The following RHOBTB1 variants were observed in gnomAD, a reference collection of about 807,000 sequenced individuals.
The protein encoded by RHOBTB1 is Rho related BTB domain containing 1.
Under a neutral mutation model 71.6 loss-of-function variants are expected in RHOBTB1, and 40 were observed. The observed-to-expected ratio is 0.56, with a 90% confidence interval of 0.43 to 0.73. The LOEUF (loss-of-function observed/expected upper bound fraction) is 0.73, where lower values mean the gene tolerates loss of function less well. Among genes scored for constraint, RHOBTB1 ranks in the 30% least tolerant of loss-of-function variants. RHOBTB1 has a pLI of 0.00. For missense variants in RHOBTB1, 797 were observed against 894.0 expected, an observed-to-expected ratio of 0.89 and a Z score of 1.38; for synonymous variants, 319 against 334.9, an observed-to-expected ratio of 0.95 and a Z score of 0.52.
At chr10:60,864,378 T>C in the RHOBTB1 span, among the ~76,000 whole-genome samples, 119 of 152,272 alleles carry the variant, frequency 7.8e-4, no homozygotes, top group African/African-American at 2.7e-3. Flanking sequence ...TGGACTCTGG[T>C]AGAGTGGTGC....
intron 2 of RHOBTB1, among the ~76,000 whole-genome samples, chr10:60,976,986 A>C (rs1044765469): frequency 2.0e-5 from 3 of 152,034 alleles, no homozygotes; most frequent in African/African-American, 7.2e-5. Context: ...CCTTGCAATA[A>C]ATTTTTTAAA....
At chr10:60,924,767 T>C in intron 2 of RHOBTB1, among the ~76,000 whole-genome samples, 1 of 152,248 alleles carries the variant, frequency 6.6e-6, no homozygotes, top group Middle Eastern at 3.4e-3. Flanking sequence ...GTCTCAAAAA[T>C]TTTTAAAAAA....
At chr10:61,001,738 G>C (rs945698076), upstream of RHOBTB1, among the ~76,000 whole-genome samples, 4 of 152,192 alleles carry the variant, frequency 2.6e-5, no homozygotes, top group Non-Finnish European at 5.9e-5. Flanking sequence ...GTCACCCGCT[G>C]GCGCGTGGGG....
chr10:60,998,404 C>T (rs1412013931), intron 1 of RHOBTB1, among the ~76,000 whole-genome samples: 1 of 152,152 alleles, frequency 6.6e-6, no homozygotes, highest in Non-Finnish European at 1.5e-5. Context: ...GCCTATGCAG[C>T]CTACATTCTG....
rs73263841 is a variant in RHOBTB1, at chr10:60,916,854, C to T, written c.-10-5302G>A. Among the ~76,000 whole-genome samples the T allele has an allele frequency of 6.0e-3, 915 of 152,270 alleles. 10 individuals carry two copies. The highest frequency in any genetic ancestry group is 0.021 in the African/African-American group (884 of 41,550). On this transcript the variant is annotated intron_variant, in intron 2 of 10. Coordinates refer to ENST00000337910, the MANE Select transcript of RHOBTB1 (RefSeq NM_014836.5). ...TCCTGGACTATCTATGTGGGTGCAA[C>T]GCAATCACGATGGTCCTTTAAATGC...
chr10:60,986,404 G>GATATATATATATATAT (rs34154360), intron 1 of RHOBTB1, among the ~76,000 whole-genome samples: 46 of 67,626 alleles, frequency 6.8e-4, no homozygotes, highest in African/African-American at 1.7e-3. Context: ...ATAAATAAAA[G>GATATATATATATATAT]ATATATATAT....
At chr10:60,867,006 T>C (rs1318011665), downstream of RHOBTB1, among the ~76,000 whole-genome samples, 1 of 152,142 alleles carries the variant, frequency 6.6e-6, no homozygotes, top group Non-Finnish European at 1.5e-5. Context: ...AGCACACAGG[T>C]TCCATTTCAT....
At chr10:60,972,348 A>T (rs2086186027) in intron 2 of RHOBTB1, among the ~76,000 whole-genome samples, 1 of 152,194 alleles carries the variant, frequency 6.6e-6, no homozygotes, top group African/African-American at 2.4e-5. Context: ...ATGGAATACT[A>T]TGCAGCCATA....
At position 60,910,940 on chromosome 10, in the gene RHOBTB1, C is replaced by T; in HGVS notation, c.243G>A (p.Arg81=). ...GATGATCACCAAAAGTATCCCAAAG[C>T]CTGAGAGAAACACTCACTTCATCAA... ...DVVDEVSVSL[R]LWDTFGDHHK... is the part of the protein sequence containing the mutation. Residue 81 remains arginine, a synonymous_variant, in exon 4 of 11, where the codon AGG becomes AGA. Transcript: ENST00000337910. 1 of 1,614,120 alleles carries T rather than the reference C, an allele frequency of 6.2e-7. No individual in the cohort carries two copies. Among genetic ancestry groups the T allele is most frequent in the East Asian group, 2.2e-5 (1 of 44,874 alleles).
intron 2 of RHOBTB1, among the ~76,000 whole-genome samples, chr10:60,975,469 C>T (rs181303638): frequency 3.0e-4 from 45 of 152,180 alleles, no homozygotes; most frequent in African/African-American, 1.1e-3. Context: ...CATGTTTACT[C>T]ATAAGAGTTT....
chr10:60,918,469 T>C (rs767388009), intron 2 of RHOBTB1, among the ~76,000 whole-genome samples: 18 of 152,160 alleles, frequency 1.2e-4, no homozygotes, highest in Non-Finnish European at 2.2e-4. Context: ...TCTGCCCCCA[T>C]AACTCAATAA....
intron 2 of RHOBTB1, among the ~76,000 whole-genome samples, chr10:60,932,465 G>A (rs1055130448): frequency 1.0e-4 from 14 of 140,676 alleles, no homozygotes; most frequent in Admixed American, 5.5e-4. Context: ...GTACATTTGC[G>A]ATCTGCATAC....
At chr10:60,892,714 G>C in intron 5 of RHOBTB1, 96 bp downstream of exon 5, 3 of 1,040,568 alleles carry the variant, frequency 2.9e-6, no homozygotes, top group Non-Finnish European at 4.2e-6. Context: ...TGGGATCCAG[G>C]AGTGTTGAAG....
intron 4 of RHOBTB1, among the ~76,000 whole-genome samples, chr10:60,907,514 A>C (rs2082738255): frequency 6.6e-6 from 1 of 152,162 alleles, no homozygotes; most frequent in African/African-American, 2.4e-5. Context: ...TAGGTGGTGG[A>C]AAAAAGGCCA....
At chr10:60,887,356 A>G (rs1224598239) in intron 6 of RHOBTB1, among the ~76,000 whole-genome samples, 1 of 152,242 alleles carries the variant, frequency 6.6e-6, no homozygotes, top group Admixed American at 6.5e-5. Context: ...TATAAAAGAT[A>G]AAGACAAAGG....
At chr10:60,937,581 C>A (rs1282982266) in intron 2 of RHOBTB1, among the ~76,000 whole-genome samples, 1 of 152,148 alleles carries the variant, frequency 6.6e-6, no homozygotes, top group Non-Finnish European at 1.5e-5. Flanking sequence ...CACAAATCTG[C>A]AAGAGAAGCT....
rs2081711753 is a variant in RHOBTB1, at chr10:60,888,441, G to A, written c.1227C>T (p.Gly409=). The change falls in exon 6 of 11, where the codon GGC becomes GGT. Residue 409 remains glycine, a synonymous_variant. Coordinates refer to ENST00000337910, the MANE Select transcript of RHOBTB1 (RefSeq NM_014836.5). ...VVRMDASVQP[G]PFRTLLQFLY... is the part of the protein sequence containing the mutation. The stretch of plus-strand genomic sequence containing the variant: ...GAAACTGGAGCAGGGTCCGAAAAGG[G>A]CCTGGCTGGACTGAAGCGTCCATCC... The A allele has an allele frequency of 6.2e-7, 1 of 1,614,048 alleles. No individual in the cohort carries two copies. Among genetic ancestry groups the A allele is most frequent in the South Asian group, 1.1e-5 (1 of 91,082 alleles).
chr10:60,917,089 A>AT (rs2083307540), intron 2 of RHOBTB1, among the ~76,000 whole-genome samples: 1 of 152,218 alleles, frequency 6.6e-6, no homozygotes, highest in African/African-American at 2.4e-5. Flanking sequence ...CAGACCTTTG[A>AT]TTTTCAGAAC....
Position 60,889,088 on chromosome 10 carries a change from A to C in RHOBTB1, c.580T>G (p.Phe194Val), listed in dbSNP as rs767912059. Residue 194 changes from phenylalanine to valine, a missense_variant, in exon 6 of 11, where the codon TTT (phenylalanine) becomes GTT (valine). Phe to Val is a conservative substitution (Grantham distance 50). Coordinates refer to ENST00000337910, the MANE Select transcript of RHOBTB1 (RefSeq NM_014836.5). ...TTGTCAAACACATCCTTGATACCAA[A>C]CTGGTCAAACACGCTTGTTTCATAG... is the stretch of plus-strand genomic sequence containing the variant. ...PYYETSVFDQFGIKDVFDNAI... is the reference protein window; with the variant it reads ...PYYETSVFDQVGIKDVFDNAI... 6.2e-7 allele frequency: 1 copy of C among 1,614,126 alleles called. No homozygotes were observed. Among genetic ancestry groups the C allele is most frequent in the South Asian group, 1.1e-5 (1 of 91,080 alleles).
Sources: gnomAD v4.1 joint callset for allele counts (sites outside exome capture counted in the v4.1 genomes callset) on GRCh38, gnomAD v4.1.1 for gene constraint, MANE v1.5 for transcripts, NCBI Gene and HGNC (gene_info 2026-07-23, HGNC 2026-07-21) for gene names.